The following RGPD3 variants were observed in gnomAD, a reference collection of about 807,000 sequenced individuals.
RGPD3 encodes ranBP2-like and GRIP domain-containing protein 3.
RGPD3 carries 62 observed loss-of-function variants against 154.5 expected under a neutral mutation model. The observed-to-expected ratio is 0.40, with a 90% CI of 0.33 to 0.50. The LOEUF (loss-of-function observed/expected upper bound fraction) is 0.50, where lower values mean the gene tolerates loss of function less well. Among genes scored for constraint, RGPD3 ranks in the 20% least tolerant of loss-of-function variants. The pLI is 0.59. For missense variants in RGPD3, 919 were observed against 1,716.8 expected, an observed-to-expected ratio of 0.54 and a Z score of 8.21; for synonymous variants, 308 against 607.0, an observed-to-expected ratio of 0.51 and a Z score of 7.24.
chr2:106,466,903 C>G (rs1318629770), intron 1 of RGPD3, among the ~76,000 whole-genome samples: 2 of 102,404 alleles, frequency 2.0e-5, no homozygotes, highest in African/African-American at 3.3e-5. Flanking sequence ...TCGAGGCCGC[C>G]GCCTCCACAG....
In RGPD3 at chr2:106,441,283, T is replaced by A. The variant is rs1448849139; in HGVS notation, c.1066+10A>T. 2 of 1,442,030 alleles carry A rather than the reference T, an allele frequency of 1.4e-6. No homozygotes were observed. Among genetic ancestry groups the A allele is most frequent in the Admixed American group, 4.3e-5 (2 of 46,472 alleles). 89.3% of individuals were successfully genotyped at this position (1,442,030 alleles called of 1,614,324 possible). ...CTTTTTAAATTAAATTAGTTTAATA[T>A]TACTATTACCTGATTGGCTCAGTCG... On this transcript the variant is annotated intron_variant, in intron 8 of 22. Coordinates refer to ENST00000409886, the MANE Select transcript of RGPD3 (RefSeq NM_001144013.2).
In RGPD3 at chr2:106,404,079, A is replaced by C. The variant is rs1417927392; in HGVS notation, c.*1140T>G. ...CTAAGGTTATTCAGAGGAACTGTGAAGATGTAGCACGGACCTCTAAGGTGT... is the reference window on the plus strand; with the variant it reads ...CTAAGGTTATTCAGAGGAACTGTGACGATGTAGCACGGACCTCTAAGGTGT... On this transcript the variant is annotated 3_prime_UTR_variant, in exon 23 of 23. Coordinates refer to ENST00000409886, the MANE Select transcript of RGPD3 (RefSeq NM_001144013.2). 5.5e-4 allele frequency among the ~76,000 whole-genome samples: 84 copies of C among 152,198 alleles called. No homozygotes were observed. The highest frequency in any genetic ancestry group is 3.4e-3 in the Middle Eastern group (1 of 294).
chr2:106,413,477 A>G (rs1391912746), intron 21 of RGPD3, among the ~76,000 whole-genome samples, 192 bp from the exon 22 acceptor site: 1 of 152,172 alleles, frequency 6.6e-6, no homozygotes, highest in African/African-American at 2.4e-5. Context: ...ACATCATCGT[A>G]TAAAATCCAT....
intron 1 of RGPD3, 144 bp downstream of exon 1, chr2:106,468,073 C>G: frequency 6.5e-6 from 7 of 1,076,960 alleles, no homozygotes; most frequent in South Asian, 1.8e-5. Flanking sequence ...AGGGCCAGGT[C>G]GAGGCCGCCG....
rs371985971 is a variant in RGPD3 at position 106,468,176 on chromosome 2, C to T, written c.72+41G>A. On this transcript the variant is annotated intron_variant, in intron 1 of 22. Coordinates refer to ENST00000409886, the MANE Select transcript of RGPD3 (RefSeq NM_001144013.2). ...GCCGGGCCGGGTCGAGGCCGCCGCC[C>T]GGCCAGGTCGAGGCCGTCGGTCTCT... 4.6e-5 allele frequency: 72 copies of T among 1,566,240 alleles called. 1 individual carries two copies. The highest frequency in any genetic ancestry group is 4.6e-4 in the Middle Eastern group (2 of 4,348).
At chr2:106,409,597 G>A (rs994493440) in intron 22 of RGPD3, among the ~76,000 whole-genome samples, 1 of 151,762 alleles carries the variant, frequency 6.6e-6, no homozygotes, top group Non-Finnish European at 1.5e-5. Context: ...TTTTTTAGGG[G>A]CAGTTTTACT....
At chr2:106,425,333 T>C in intron 19 of RGPD3, 67 bp from the exon 20 acceptor site, 1 of 1,598,038 alleles carries the variant, frequency 6.3e-7, no homozygotes, top group Non-Finnish European at 8.5e-7. Context: ...ATACATACCT[T>C]CTTCATTCCT....
intron 1 of RGPD3, among the ~76,000 whole-genome samples, chr2:106,466,143 G>T (rs1347371667): frequency 4.6e-5 from 7 of 152,056 alleles, no homozygotes; most frequent in African/African-American, 1.7e-4. Flanking sequence ...GACGGGCCCA[G>T]GAGCGAGCAC....
At chr2:106,467,687 C>G (rs1278276732) in intron 1 of RGPD3, among the ~76,000 whole-genome samples, 5 of 141,902 alleles carry the variant, frequency 3.5e-5, no homozygotes, top group African/African-American at 1.3e-4. Context: ...GACGCCTGAG[C>G]CATCGAGGCA....
At chr2:106,461,910 TC>T (rs1678416597) in intron 1 of RGPD3, among the ~76,000 whole-genome samples, 1 of 151,440 alleles carries the variant, frequency 6.6e-6, no homozygotes, top group Admixed American at 6.6e-5. Flanking sequence ...CAAGGCTTGT[TC>T]CCCCCTTCCT....
In RGPD3 at chr2:106,468,088, C is replaced by A. The variant is rs186453875; in HGVS notation, c.72+129G>T. ...AGGGCCAGGTCGAGGCCGCCGCCTC[C>A]ACAGAGCGCGCCAGGGAGCAGCGCT... On this transcript the variant is annotated intron_variant, in intron 1 of 22. Transcript: ENST00000409886. The A allele has an allele frequency of 7.1e-4, 803 of 1,126,926 alleles. 2 individuals carry two copies. In the African/African-American group the frequency reaches 8.9e-3, roughly 12 times the overall value. 69.8% of individuals were successfully genotyped at this position (1,126,926 alleles called of 1,614,324 possible).
intron 21 of RGPD3, among the ~76,000 whole-genome samples, chr2:106,415,421 T>C (rs543511320): frequency 1.3e-5 from 2 of 152,252 alleles, no homozygotes; most frequent in African/African-American, 4.8e-5. Flanking sequence ...CTCACGTCTG[T>C]AATACCAGCA....
chr2:106,466,308 C>A (rs1394884224), intron 1 of RGPD3, among the ~76,000 whole-genome samples: 4 of 151,026 alleles, frequency 2.6e-5, no homozygotes, highest in East Asian at 2.0e-4. Context: ...CGCAACAGAG[C>A]GCGCCAGGGA....
chr2:106,450,717 A>C (rs1678089637), intron 6 of RGPD3, among the ~76,000 whole-genome samples: 2 of 100,168 alleles, frequency 2.0e-5, no homozygotes, highest in African/African-American at 3.4e-5. Flanking sequence ...AAAAAAAAAA[A>C]AAAAAAAAAA....
At chr2:106,467,465 C>G (rs1678658162) in intron 1 of RGPD3, among the ~76,000 whole-genome samples, 4 of 48,688 alleles carry the variant, frequency 8.2e-5, no homozygotes, top group African/African-American at 3.3e-4. Flanking sequence ...CTCAACAGAG[C>G]GCGCCAGGGA....
intron 22 of RGPD3, among the ~76,000 whole-genome samples, chr2:106,412,482 G>C (rs1181826735): frequency 6.6e-6 from 1 of 151,148 alleles, no homozygotes; most frequent in East Asian, 2.0e-4. Context: ...GCTAATTTTT[G>C]TATTTTTAGT....
chr2:106,461,812 C>T (rs1443901087), intron 1 of RGPD3, among the ~76,000 whole-genome samples: 1 of 151,236 alleles, frequency 6.6e-6, no homozygotes, highest in East Asian at 2.0e-4. Flanking sequence ...GCACTGGCAA[C>T]AGAGCAAGAC....
At chr2:106,409,043 C>T (rs939721782) in intron 22 of RGPD3, among the ~76,000 whole-genome samples, 2 of 152,046 alleles carry the variant, frequency 1.3e-5, no homozygotes, top group East Asian at 1.9e-4. Context: ...TTAATTTCAC[C>T]ATCCACTAAT....
chr2:106,462,010 A>G (rs1025864113), intron 1 of RGPD3, among the ~76,000 whole-genome samples: 37 of 151,804 alleles, frequency 2.4e-4, no homozygotes, highest in Admixed American at 9.8e-4. Flanking sequence ...CCTCCCAGGT[A>G]CAAGCTGGGA....
Sources: gnomAD v4.1 joint callset for allele counts (sites outside exome capture counted in the v4.1 genomes callset) on GRCh38, gnomAD v4.1.1 for gene constraint, MANE v1.5 for transcripts, NCBI Gene and HGNC (gene_info 2026-07-23, HGNC 2026-07-21) for gene names.